ATP2B2: variants seen among roughly 807,000 people sequenced by gnomAD.
ATP2B2 encodes plasma membrane calcium-transporting ATPase 2.
ATP2B2 carries 15 observed loss-of-function variants against 120.0 expected under a neutral mutation model. That is an observed-to-expected ratio of 0.12 (90% confidence interval 0.08 to 0.19). The LOEUF (loss-of-function observed/expected upper bound fraction) is 0.19. ATP2B2 is among the 10% of genes least tolerant of loss of function. The pLI is 1.00. For missense variants in ATP2B2, 1,045 were observed against 1,719.8 expected (o/e 0.61, Z 6.94); for synonymous variants, 694 against 700.3 (o/e 0.99, Z 0.14).
chr3:10,672,022 G>A (rs576353353), intron 1 of ATP2B2, among the ~76,000 whole-genome samples: 15 of 152,318 alleles, frequency 9.8e-5, no homozygotes, highest in Non-Finnish European at 2.2e-4. Context: ...GTATGTATTT[G>A]ACTGCTAGAG....
At chr3:10,660,211 T>A (rs564039006) in intron 1 of ATP2B2, among the ~76,000 whole-genome samples, 2 of 152,162 alleles carry the variant, frequency 1.3e-5, no homozygotes, top group South Asian at 2.1e-4. Context: ...AGCAAACACA[T>A]TCAAAAGCTA....
At chr3:10,545,731 G>T (rs1171073367) in intron 2 of ATP2B2, among the ~76,000 whole-genome samples, 2 of 152,070 alleles carry the variant, frequency 1.3e-5, no homozygotes, top group Non-Finnish European at 2.9e-5. Context: ...GTTAGCGGTG[G>T]TTTTTTTAAA....
chr3:10,345,844 G>A (rs2060415639), intron 17 of ATP2B2, among the ~76,000 whole-genome samples, 187 bp downstream of exon 17: 2 of 152,172 alleles, frequency 1.3e-5, no homozygotes, highest in African/African-American at 4.8e-5. Flanking sequence ...CTCCCCCAGA[G>A]CAAGAAGCAT....
intron 2 of ATP2B2, among the ~76,000 whole-genome samples, chr3:10,614,804 C>T (rs1402634602): frequency 1.3e-5 from 2 of 152,168 alleles, no homozygotes; most frequent in Non-Finnish European, 2.9e-5. Context: ...AGTCCCAAGA[C>T]ATTTAGGCAA....
intron 3 of ATP2B2, among the ~76,000 whole-genome samples, chr3:10,524,069 G>A (rs561705579): frequency 6.6e-6 from 1 of 152,256 alleles, no homozygotes; most frequent in Admixed American, 6.5e-5. Context: ...ATCCAGAGTT[G>A]GCTGGAGGCG....
chr3:10,617,741 C>T (rs889766119), intron 2 of ATP2B2, among the ~76,000 whole-genome samples: 1 of 152,236 alleles, frequency 6.6e-6, no homozygotes, highest in Non-Finnish European at 1.5e-5. Flanking sequence ...AGCAGGACGG[C>T]TCCCAGATCC....
intron 2 of ATP2B2, among the ~76,000 whole-genome samples, chr3:10,425,264 C>T (rs1051066166): frequency 6.6e-6 from 1 of 151,868 alleles, no homozygotes; most frequent in South Asian, 2.1e-4. Context: ...GAGTCGAGAT[C>T]GTGCCACTGT....
At chr3:10,677,340 T>C (rs1029926528) in intron 1 of ATP2B2, among the ~76,000 whole-genome samples, 5 of 152,120 alleles carry the variant, frequency 3.3e-5, no homozygotes, top group African/African-American at 9.7e-5. Flanking sequence ...TCCAAGTCTA[T>C]GACACTCTGG....
At position 10,376,921 on chromosome 3, in the gene ATP2B2, A is replaced by C. The variant is rs559027793; in HGVS notation, c.1202-1277T>G. 2.9e-4 allele frequency among the ~76,000 whole-genome samples: 44 copies of C among 152,222 alleles called. 1 individual carries two copies. The highest frequency in any genetic ancestry group is 9.4e-4 in the African/African-American group (39 of 41,538). ...GGGAGAGGCTGGGAGTTCTCTGGAA[A>C]TCTCAGCTGCCCCCGGCTTCTTCCC... On this transcript the variant is annotated intron_variant, in intron 10 of 22. Coordinates refer to ENST00000360273, the MANE Select transcript of ATP2B2 (RefSeq NM_001001331.4).
At chr3:10,513,689 GAGA>G (rs920022700) in intron 3 of ATP2B2, among the ~76,000 whole-genome samples, 23 of 152,240 alleles carry the variant, frequency 1.5e-4, no homozygotes, top group African/African-American at 5.3e-4. Flanking sequence ...CAGTTGGGAG[GAGA>G]AGAACAGCCA....
At chr3:10,337,157 G>T (rs1370685561) in intron 22 of ATP2B2, among the ~76,000 whole-genome samples, 1 of 152,222 alleles carries the variant, frequency 6.6e-6, no homozygotes, top group African/African-American at 2.4e-5. Flanking sequence ...TAAAACTGGG[G>T]GAGTCACATC....
Position 10,358,881 on chromosome 3 carries a change from C to T in ATP2B2, c.1946G>A (p.Arg649Gln), listed in dbSNP as rs774434270. ...TACCATCTCGTCCCGGTCGCGGGGC[C>T]GGAAGACACGAGGCTCTCCCGCCCC... Reference protein sequence around the residue: ...LNGAGEPRVFRPRDRDEMVKK... With the variant: ...LNGAGEPRVFQPRDRDEMVKK... The change falls in exon 14 of 23, where the codon CGG becomes CAG. Residue 649 changes from arginine to glutamine, a missense_variant. Arg to Gln is a conservative substitution (Grantham distance 43). Coordinates refer to ENST00000360273, the MANE Select transcript of ATP2B2 (RefSeq NM_001001331.4). The T allele has an allele frequency of 1.7e-5, 27 of 1,613,974 alleles. No individual in the cohort carries two copies. The highest frequency in any genetic ancestry group is 1.1e-4 in the South Asian group (10 of 91,082).
intron 2 of ATP2B2, among the ~76,000 whole-genome samples, chr3:10,600,412 C>T (rs1270669652): frequency 6.6e-6 from 1 of 152,206 alleles, no homozygotes; most frequent in Non-Finnish European, 1.5e-5. Flanking sequence ...ATCGGACTTC[C>T]ATCTACCCTA....
intron 5 of ATP2B2, among the ~76,000 whole-genome samples, chr3:10,396,687 C>T (rs1470532855): frequency 6.6e-6 from 1 of 152,206 alleles, no homozygotes; most frequent in Non-Finnish European, 1.5e-5. Context: ...AGGCAGGCTG[C>T]TGCAGGCTGA....
intron 3 of ATP2B2, among the ~76,000 whole-genome samples, chr3:10,519,710 CA>C (rs2066944805): frequency 6.6e-6 from 1 of 152,134 alleles, no homozygotes; most frequent in African/African-American, 2.4e-5. Flanking sequence ...AAGAAGATTC[CA>C]AGAGGGACAA....
intron 3 of ATP2B2, among the ~76,000 whole-genome samples, chr3:10,403,598 C>T (rs1211733876): frequency 6.6e-6 from 1 of 152,240 alleles, no homozygotes; most frequent in African/African-American, 2.4e-5. Context: ...TTCATTTCCT[C>T]TGGGACCTGG....
rs1329127945 is a variant in ATP2B2, at chr3:10,375,422, C to T, written c.1416+8G>A. ...CAGCCGGCTGGTCCTGCTCTCCTCC[C>T]CTCTCACCTTCACCGAATAGGCCAA... On this transcript the variant is annotated splice_region_variant and intron_variant, in intron 11 of 22. Transcript: ENST00000360273. This position sits in a 1 kb window ranked among gnomAD's most constrained non-coding sequence, Gnocchi z 4.2. 2 of 1,608,894 alleles carry T rather than the reference C, an allele frequency of 1.2e-6. No homozygotes were observed. Among genetic ancestry groups the T allele is most frequent in the African/African-American group, 1.3e-5 (1 of 74,822 alleles).
chr3:10,465,650 C>T (rs1240382700), intron 1 of ATP2B2, among the ~76,000 whole-genome samples: 1 of 152,222 alleles, frequency 6.6e-6, no homozygotes, highest in Non-Finnish European at 1.5e-5. Flanking sequence ...ATACTTACTC[C>T]CTGCCCCTGT....
chr3:10,415,272 C>T (rs962476684), intron 2 of ATP2B2, among the ~76,000 whole-genome samples: 10 of 152,174 alleles, frequency 6.6e-5, no homozygotes, highest in Middle Eastern at 3.2e-3. Context: ...TGCCTGGCAC[C>T]GGGTAGATGT....
Sources: allele counts gnomAD v4.1 joint callset (sites outside exome capture counted in the v4.1 genomes callset), GRCh38; gene constraint gnomAD v4.1.1; non-coding constraint Gnocchi (gnomAD v3.1); transcripts MANE v1.5; gene names NCBI Gene and HGNC (gene_info 2026-07-23, HGNC 2026-07-21).